Variants in EBF3 observed in about 807,000 individuals in gnomAD.
EBF3 encodes transcription factor COE3.
Under a neutral mutation model 77.1 loss-of-function variants are expected in EBF3, and 18 were observed. The ratio of observed to expected loss-of-function variants is 0.23; its 90% confidence interval spans 0.16 to 0.35. The LOEUF is 0.35. Ranked by LOEUF, EBF3 falls within the 10% of genes least tolerant of loss-of-function variation. The pLI, the probability that EBF3 is intolerant of heterozygous loss-of-function variation, is 1.00. For missense variants in EBF3, 558 were observed against 860.0 expected, an observed-to-expected ratio of 0.65 and a Z score of 4.39; for synonymous variants, 350 against 343.5, an observed-to-expected ratio of 1.02 and a Z score of -0.21.
intron 6 of EBF3, among the ~76,000 whole-genome samples, chr10:129,880,034 A>G (rs1853082846): frequency 6.6e-6 from 1 of 152,170 alleles, no homozygotes; most frequent in Non-Finnish European, 1.5e-5. Flanking sequence ...CCAGCTCCAG[A>G]GGAGGTTTCT....
At chr10:129,881,485 G>A (rs867146775) in intron 6 of EBF3, among the ~76,000 whole-genome samples, 2 of 152,168 alleles carry the variant, frequency 1.3e-5, no homozygotes, top group African/African-American at 2.4e-5. Flanking sequence ...TACACGCCAG[G>A]CGCGGCTTTC....
chr10:129,838,278 G>A (rs747111067), intron 16 of EBF3, among the ~76,000 whole-genome samples: 10 of 152,378 alleles, frequency 6.6e-5, no homozygotes, highest in Middle Eastern at 3.4e-3. Flanking sequence ...CACACTGACC[G>A]GTGCACTGCC....
chr10:129,840,883 C>T lies in EBF3; in HGVS notation c.1522G>A (p.Gly508Arg). ...TTAGCGGAGGAGCCATTAAGAAATC[C>T]AGGCGAGCCAGGGACCCCTAGACTG... ...MASLGVPGSP[G>R]FLNGSSANSP... Residue 508 changes from glycine to arginine, a missense_variant, in exon 14 of 17, where the codon GGA becomes AGA. Around this residue, in one of 5 missense-constraint regions of EBF3, gnomAD observed 284 missense variants for 368.3 expected, o/e 0.77. Transcript: ENST00000440978. The T allele has an allele frequency of 6.2e-7, 1 of 1,613,862 alleles. No individual in the cohort carries two copies. The highest frequency in any genetic ancestry group is 8.5e-7 in the Non-Finnish European group (1 of 1,179,910).
At chr10:129,927,495 C>A (rs1308964004) in intron 6 of EBF3, among the ~76,000 whole-genome samples, 1 of 152,194 alleles carries the variant, frequency 6.6e-6, no homozygotes, top group Non-Finnish European at 1.5e-5. Flanking sequence ...TAAGCCAACA[C>A]GTGGCCCCAC....
intron 6 of EBF3, among the ~76,000 whole-genome samples, chr10:129,884,942 G>A (rs576674106): frequency 4.1e-4 from 63 of 152,058 alleles, no homozygotes; most frequent in Non-Finnish European, 5.7e-4. Flanking sequence ...TACTACAATC[G>A]CCAAGGGACC....
At chr10:129,888,028 T>C (rs1853733016) in intron 6 of EBF3, among the ~76,000 whole-genome samples, 1 of 152,190 alleles carries the variant, frequency 6.6e-6, no homozygotes, top group South Asian at 2.1e-4. Context: ...TTCAAACTAT[T>C]GATAGGGTAA....
chr10:129,857,003 G>A (rs1022209533), intron 10 of EBF3, among the ~76,000 whole-genome samples: 1 of 152,184 alleles, frequency 6.6e-6, no homozygotes, highest in Non-Finnish European at 1.5e-5. Flanking sequence ...CTCCGCACAG[G>A]TGTGAACAAG....
intron 6 of EBF3, among the ~76,000 whole-genome samples, chr10:129,896,614 G>A (rs542830675): frequency 3.3e-5 from 5 of 152,334 alleles, no homozygotes; most frequent in Admixed American, 2.6e-4. Context: ...CGGCCTCCTG[G>A]CGAGCCTCCC....
chr10:129,856,962 A>T (rs1851294688), intron 10 of EBF3, among the ~76,000 whole-genome samples: 1 of 152,196 alleles, frequency 6.6e-6, no homozygotes, highest in African/African-American at 2.4e-5. Context: ...TAGAATAAAG[A>T]TGTGTCCAGT....
chr10:129,846,420 G>T (rs566151032), intron 11 of EBF3, among the ~76,000 whole-genome samples: 3 of 151,806 alleles, frequency 2.0e-5, no homozygotes, highest in Admixed American at 1.3e-4. Flanking sequence ...CGCCGAGGAG[G>T]GGGCAGCACT....
At chr10:129,878,454 A>G (rs977341825) in intron 6 of EBF3, among the ~76,000 whole-genome samples, 20 of 152,062 alleles carry the variant, frequency 1.3e-4, no homozygotes, top group Admixed American at 1.3e-4. Context: ...AGATGACTTG[A>G]GGTCAGGAGT....
At chr10:129,910,542 C>A (rs1278229612) in intron 6 of EBF3, among the ~76,000 whole-genome samples, 1 of 152,068 alleles carries the variant, frequency 6.6e-6, no homozygotes, top group Non-Finnish European at 1.5e-5. Flanking sequence ...AGATATACAC[C>A]AAATCTCCAT....
intron 6 of EBF3, among the ~76,000 whole-genome samples, chr10:129,920,489 T>C (rs1856219344): frequency 6.6e-6 from 1 of 152,218 alleles, no homozygotes; most frequent in African/African-American, 2.4e-5. Flanking sequence ...GGAGCGACTC[T>C]GGGTTAATGG....
intron 6 of EBF3, among the ~76,000 whole-genome samples, chr10:129,951,571 T>A (rs1858684804): frequency 6.6e-6 from 1 of 152,250 alleles, no homozygotes; most frequent in South Asian, 2.1e-4. Flanking sequence ...GTGTAGCTTG[T>A]TTTCAAACCC....
At chr10:129,890,908 T>A (rs1853976490) in intron 6 of EBF3, among the ~76,000 whole-genome samples, 1 of 152,232 alleles carries the variant, frequency 6.6e-6, no homozygotes, top group African/African-American at 2.4e-5. Flanking sequence ...TTTGCCATCC[T>A]CAATCTGCAT....
intron 6 of EBF3, among the ~76,000 whole-genome samples, chr10:129,890,422 C>A (rs896094470): frequency 6.6e-6 from 1 of 152,188 alleles, no homozygotes; most frequent in Non-Finnish European, 1.5e-5. Flanking sequence ...GAGGGCAAAT[C>A]GGCAAAGATG....
rs1355009922 is a variant in EBF3 at position 129,840,437 on chromosome 10, G to A, written c.1567C>T (p.Pro523Ser). 1 of 1,550,674 alleles carries A rather than the reference G, an allele frequency of 6.4e-7. No homozygotes were observed. The highest frequency in any genetic ancestry group is 2.4e-5 in the East Asian group (1 of 40,918). The change falls in exon 15 of 17, where the codon CCG becomes TCG. Residue 523 changes from proline to serine, a missense_variant. Transcript: ENST00000440978. ...SSANSPYGIV[P>S]SSPTMAASSV... ...GAGGCTGCCATGGTGGGGCTGGACGGCACTACTGCAACAAAGCAAACACGG... is the reference window on the plus strand; with the variant it reads ...GAGGCTGCCATGGTGGGGCTGGACGACACTACTGCAACAAAGCAAACACGG...
Position 129,842,371 on chromosome 10 carries a change from G to A in EBF3, c.1195-78C>T. Reference sequence around the variant, plus strand: ...GGCCGCACTCTCGGGGGCCCACCATGGTGGCATCCCACTGTCCCTTGCCCA... The same window carrying A: ...GGCCGCACTCTCGGGGGCCCACCATAGTGGCATCCCACTGTCCCTTGCCCA... On this transcript the variant is annotated intron_variant, in intron 12 of 16. Transcript: ENST00000440978. The surrounding 1 kb of genome is among the most constrained non-coding windows in gnomAD (Gnocchi z 4.4). 6.7e-7 allele frequency: 1 copy of A among 1,488,264 alleles called. No homozygotes were observed. The highest frequency in any genetic ancestry group is 9.0e-7 in the Non-Finnish European group (1 of 1,115,146). 92.2% of individuals were successfully genotyped at this position (1,488,264 alleles called of 1,614,324 possible).
chr10:129,890,265 G>A (rs1031642545), intron 6 of EBF3, among the ~76,000 whole-genome samples: 4 of 152,256 alleles, frequency 2.6e-5, no homozygotes, highest in African/African-American at 4.8e-5. Context: ...GAACATCCCC[G>A]GGCTGTGTGG....
Sources: gnomAD v4.1 joint callset for allele counts (sites outside exome capture counted in the v4.1 genomes callset) on GRCh38, gnomAD v4.1.1 for gene constraint, gnomAD v4.1.1 regional missense constraint, Gnocchi (gnomAD v3.1) non-coding constraint, MANE v1.5 for transcripts, NCBI Gene and HGNC (gene_info 2026-07-23, HGNC 2026-07-21) for gene names.